The following OTUD7B variants were observed in gnomAD, a reference collection of about 807,000 sequenced individuals.
The protein encoded by OTUD7B is OTU deubiquitinase 7B.
In OTUD7B, 34 loss-of-function variants were observed where a neutral mutation model predicts 82.2. That is an observed-to-expected ratio of 0.41 (90% confidence interval 0.31 to 0.55). The LOEUF (loss-of-function observed/expected upper bound fraction) is 0.55. Ranked by LOEUF, OTUD7B falls within the 20% of genes least tolerant of loss-of-function variation. OTUD7B has a pLI of 0.20. For synonymous variants in OTUD7B, 398 were observed against 402.7 expected, an observed-to-expected ratio of 0.99 and a Z score of 0.14; for missense variants, 944 against 1,062.1, an observed-to-expected ratio of 0.89 and a Z score of 1.55.
chr1:149,983,694 T>C (rs943495887), intron 1 of OTUD7B, among the ~76,000 whole-genome samples: 8 of 152,088 alleles, frequency 5.3e-5, no homozygotes, highest in Admixed American at 4.6e-4. Flanking sequence ...TGTTAAAGAT[T>C]TGAGATCTTA....
intron 1 of OTUD7B, among the ~76,000 whole-genome samples, chr1:149,981,094 AGAGGAGGAGGAAGAG>A: frequency 6.9e-6 from 1 of 145,474 alleles, no homozygotes; most frequent in South Asian, 2.3e-4. Context: ...AGGAGGAGGA[AGAGGAGGAGGAAGAG>A]GAGGAGGAGG....
the OTUD7B span, among the ~76,000 whole-genome samples, chr1:150,027,192 T>C: frequency 6.6e-6 from 1 of 152,190 alleles, no homozygotes; most frequent in Non-Finnish European, 1.5e-5. Flanking sequence ...TTAACTAGGC[T>C]CTAGGGATAT....
At position 149,990,674 on chromosome 1, in the gene OTUD7B, G is replaced by A. The variant is rs587744386; in HGVS notation, c.-66-13098C>T. ...TGAGGTTTTTAATCCCATCTATTCT[G>A]ATGGAAAACATATACACATAGAAAA... On this transcript the variant is annotated intron_variant, in intron 1 of 11. Coordinates refer to ENST00000581312, the MANE Select transcript of OTUD7B (RefSeq NM_020205.4). Among the ~76,000 whole-genome samples, 23 of 152,178 alleles carry A rather than the reference G, an allele frequency of 1.5e-4. No individual in the cohort carries two copies. In the East Asian group the frequency reaches 4.3e-3, roughly 28 times the overall value.
chr1:150,053,960 A>G, the OTUD7B span: 1 of 406,882 alleles, frequency 2.5e-6, no homozygotes, highest in Non-Finnish European at 4.2e-6. Flanking sequence ...GGGTAACCTC[A>G]AGGCTAAGAA....
rs61307639 is a variant in OTUD7B at position 149,968,262 on chromosome 1, C to CA, written c.275-742dup. Among the ~76,000 whole-genome samples, 505 of 131,170 alleles carry CA rather than the reference C, an allele frequency of 3.8e-3. 31 individuals are homozygous for CA. The highest frequency in any genetic ancestry group is 4.4e-3 in the Non-Finnish European group (282 of 63,486). 86.1% of individuals were successfully genotyped at this position (131,170 alleles called of 152,430 possible). On this transcript the variant is annotated intron_variant, in intron 3 of 11. Coordinates refer to ENST00000581312, the MANE Select transcript of OTUD7B (RefSeq NM_020205.4). ...CTGACAACAGAGCAAGACCCCGTTT[C>CA]AAAAAAAAAAAAAAAAGACAATCAA...
the OTUD7B span, chr1:150,054,322 T>C: frequency 2.0e-6 from 1 of 506,898 alleles, no homozygotes; most frequent in Non-Finnish European, 3.9e-6. Context: ...TCATCCTCAC[T>C]GAAAGCCACA....
chr1:149,983,000 G>T (rs1553780086), intron 1 of OTUD7B, among the ~76,000 whole-genome samples: 1 of 151,660 alleles, frequency 6.6e-6, no homozygotes, highest in Non-Finnish European at 1.5e-5. Flanking sequence ...GACTACAGGC[G>T]CCTGCCACCA....
the OTUD7B span, among the ~76,000 whole-genome samples, chr1:150,052,062 T>A: frequency 1.3e-5 from 2 of 152,226 alleles, no homozygotes; most frequent in South Asian, 4.1e-4. Context: ...ACAGCCAATA[T>A]CATACTGAAT....
the OTUD7B span, among the ~76,000 whole-genome samples, chr1:150,044,203 G>T: frequency 3.3e-5 from 1 of 29,922 alleles, no homozygotes; most frequent in African/African-American, 1.8e-4. Context: ...GTTTTTAAAG[G>T]TTTATTTTAT....
In OTUD7B at chr1:149,944,682, A is replaced by G; in HGVS notation, c.1707T>C (p.Asp569=). ...CTGGGGGCTTCTCAGACACAGGCCC[A>G]TCCCCAGCTGCCTCCTCCTTGCCAC... ...WKGGKEEAAG[D]GPVSEKPPAE... is the part of the protein sequence containing the mutation. Residue 569 remains aspartate (D), a synonymous_variant, in exon 12 of 12, where the codon GAT becomes GAC. Transcript: ENST00000581312. 1 of 1,613,664 alleles carries G rather than the reference A, an allele frequency of 6.2e-7. No homozygotes were observed. The highest frequency in any genetic ancestry group is 8.5e-7 in the Non-Finnish European group (1 of 1,179,950).
At chr1:150,046,896 C>T in the OTUD7B span, among the ~76,000 whole-genome samples, 1 of 151,902 alleles carries the variant, frequency 6.6e-6, no homozygotes, top group Non-Finnish European at 1.5e-5. Flanking sequence ...CATGGCGAAA[C>T]CCCATCTCTA....
chr1:149,969,626 G>T (rs1411020642), intron 3 of OTUD7B, among the ~76,000 whole-genome samples: 1 of 152,092 alleles, frequency 6.6e-6, no homozygotes, highest in Non-Finnish European at 1.5e-5. Flanking sequence ...TGCATGTACA[G>T]CTTTTAAAAT....
chr1:149,938,910 C>T lies in OTUD7B; in HGVS notation c.*4947G>A, dbSNP rs868985241. 3.2e-5 allele frequency: 4 copies of T among 125,082 alleles called. No homozygotes were observed. The highest frequency in any genetic ancestry group is 5.4e-3 in the Middle Eastern group (1 of 184). The allele number at this position is 125,082 out of a possible 1,614,324, so 7.7% of individuals were successfully genotyped here. On this transcript the variant is annotated 3_prime_UTR_variant, in exon 12 of 12. Coordinates refer to ENST00000581312, the MANE Select transcript of OTUD7B (RefSeq NM_020205.4). ...TCGCGCCATTGCACTCCATCCTGGGCGACAAGAGCGAAACTCTGTCTCAAA... is the reference window on the plus strand; with the variant it reads ...TCGCGCCATTGCACTCCATCCTGGGTGACAAGAGCGAAACTCTGTCTCAAA...
Position 150,005,409 on chromosome 1 carries a change from T to C in OTUD7B, c.-67+5039A>G, listed in dbSNP as rs1299387081. ...CTAAAAAAAGCACAGTTGAAAATAATCCCTATCTAGTTGTATAAAATAAGA... is the reference window on the plus strand; with the variant it reads ...CTAAAAAAAGCACAGTTGAAAATAACCCCTATCTAGTTGTATAAAATAAGA... On this transcript the variant is annotated intron_variant, in intron 1 of 11. Coordinates refer to ENST00000581312, the MANE Select transcript of OTUD7B (RefSeq NM_020205.4). Among the ~76,000 whole-genome samples the C allele has an allele frequency of 3.9e-5, 6 of 152,166 alleles. 1 individual carries two copies. The highest frequency in any genetic ancestry group is 1.4e-4 in the African/African-American group (6 of 41,444).
chr1:150,022,069 A>G, the OTUD7B span, among the ~76,000 whole-genome samples: 240 of 152,272 alleles, frequency 1.6e-3, 1 homozygote, highest in Admixed American at 3.8e-3. Context: ...AGTCAAGACT[A>G]GTTCCACAGT....
intron 1 of OTUD7B, among the ~76,000 whole-genome samples, chr1:150,002,470 C>T (rs1276764601): frequency 1.3e-5 from 2 of 152,168 alleles, no homozygotes; most frequent in African/African-American, 4.8e-5. Flanking sequence ...TCTCAGGGAA[C>T]ATCTTTCTCA....
chr1:149,962,146 C>T (rs980852179), intron 6 of OTUD7B: 1 of 152,156 alleles, frequency 6.6e-6, no homozygotes, highest in Non-Finnish European at 1.5e-5. Context: ...GTGCTGCAGT[C>T]ACTCCAATAG....
intron 1 of OTUD7B, among the ~76,000 whole-genome samples, chr1:149,985,169 A>G (rs1651043374): frequency 6.6e-6 from 1 of 152,208 alleles, no homozygotes; most frequent in Middle Eastern, 3.2e-3. Context: ...GCACTTTGGG[A>G]GGCCGAGGCG....
chr1:149,975,838 T>C (rs188230323), intron 2 of OTUD7B, among the ~76,000 whole-genome samples: 3 of 152,012 alleles, frequency 2.0e-5, no homozygotes, highest in East Asian at 1.9e-4. Flanking sequence ...CTGGCCAGCA[T>C]TGTGAAACCC....
Sources: gnomAD v4.1 joint callset for allele counts (sites outside exome capture counted in the v4.1 genomes callset) on GRCh38, gnomAD v4.1.1 for gene constraint, MANE v1.5 for transcripts, NCBI Gene and HGNC (gene_info 2026-07-23, HGNC 2026-07-21) for gene names.